The following SDK2 variants were observed in gnomAD, a reference collection of about 807,000 sequenced individuals.
The protein encoded by SDK2 is protein sidekick-2.
A neutral mutation model predicts 253.9 loss-of-function variants in SDK2; 105 were observed. The ratio of observed to expected loss-of-function variants is 0.41; its 90% CI spans 0.35 to 0.49. The LOEUF (loss-of-function observed/expected upper bound fraction) is 0.49. SDK2 is among the 20% of genes least tolerant of loss of function. The pLI, the probability that SDK2 is intolerant of heterozygous loss-of-function variation, is 0.06. For missense variants in SDK2, 2,608 were observed against 3,003.0 expected (o/e 0.87, Z 3.07); for synonymous variants, 1,249 against 1,234.9 (o/e 1.01, Z -0.24).
At position 73,571,659 on chromosome 17, in the gene SDK2, G is replaced by A. The variant is rs543597375; in HGVS notation, c.65-64062C>T. On this transcript the variant is annotated intron_variant, in intron 1 of 44. Transcript: ENST00000392650. ...AGGAGCTCCGAGAGCTCTCCTCCTCGGGTGTGGGGCATGTGCCCAGCGGGG... is the reference window on the plus strand; with the variant it reads ...AGGAGCTCCGAGAGCTCTCCTCCTCAGGTGTGGGGCATGTGCCCAGCGGGG... 3.3e-5 allele frequency among the ~76,000 whole-genome samples: 5 copies of A among 152,354 alleles called. No individual in the cohort carries two copies. The East Asian group carries it at 9.6e-4, about 29-fold the overall frequency.
In SDK2 at chr17:73,636,453, C is replaced by T. The variant is rs577834117; in HGVS notation, c.64+7572G>A. ...CTGCAATCCCAGCACTTTGGGAGACCGAGGTGGGCGAGTCACTTGAGGTCA... is the reference window on the plus strand; with the variant it reads ...CTGCAATCCCAGCACTTTGGGAGACTGAGGTGGGCGAGTCACTTGAGGTCA... On this transcript the variant is annotated intron_variant, in intron 1 of 44. Coordinates refer to ENST00000392650, the MANE Select transcript of SDK2 (RefSeq NM_001144952.2). Among the ~76,000 whole-genome samples the T allele has an allele frequency of 3.9e-5, 6 of 151,934 alleles. No individual in the cohort carries two copies. In the South Asian group the frequency reaches 1.0e-3, roughly 26 times the overall value.
intron 1 of SDK2, among the ~76,000 whole-genome samples, chr17:73,628,938 G>A (rs980171852): frequency 5.3e-5 from 8 of 152,182 alleles, no homozygotes; most frequent in Non-Finnish European, 1.2e-4. Context: ...CTGGACGTGA[G>A]CTGGAGAAGC....
At chr17:73,523,060 G>T (rs2064095343) in intron 1 of SDK2, among the ~76,000 whole-genome samples, 1 of 152,202 alleles carries the variant, frequency 6.6e-6, no homozygotes, top group Non-Finnish European at 1.5e-5. Flanking sequence ...GCTGGCAGAT[G>T]GGAAAACCGA....
intron 27 of SDK2, among the ~76,000 whole-genome samples, chr17:73,393,266 A>G (rs1338394933): frequency 1.4e-5 from 2 of 143,402 alleles, no homozygotes; most frequent in African/African-American, 2.5e-5. Context: ...AAAAAAAAAG[A>G]AAAGTAAATT....
chr17:73,497,698 C>T (rs2063854275), intron 2 of SDK2, among the ~76,000 whole-genome samples: 1 of 151,972 alleles, frequency 6.6e-6, no homozygotes, highest in Non-Finnish European at 1.5e-5. Context: ...GCACAATGGA[C>T]CCACACCTCC....
chr17:73,421,668 T>C (rs922531972), intron 15 of SDK2, among the ~76,000 whole-genome samples: 7 of 147,246 alleles, frequency 4.8e-5, no homozygotes, highest in African/African-American at 1.8e-4. Flanking sequence ...TTCAAGGGAT[T>C]CTTGTGCCTC....
chr17:73,625,696 G>C (rs975705950), intron 1 of SDK2, among the ~76,000 whole-genome samples: 3 of 152,000 alleles, frequency 2.0e-5, no homozygotes, highest in African/African-American at 7.3e-5. Flanking sequence ...CTAGGCTGGA[G>C]TGCAGTGGTG....
At chr17:73,536,093 G>A (rs1246528755) in intron 1 of SDK2, among the ~76,000 whole-genome samples, 1 of 152,120 alleles carries the variant, frequency 6.6e-6, no homozygotes, top group Non-Finnish European at 1.5e-5. Context: ...GTTCATGGAC[G>A]AGACCACACC....
chr17:73,560,032 A>G lies in SDK2; in HGVS notation c.65-52435T>C, dbSNP rs531899012. 3.0e-4 allele frequency among the ~76,000 whole-genome samples: 45 copies of G among 152,262 alleles called. No homozygotes were observed. In the South Asian group the frequency reaches 8.5e-3, roughly 29 times the overall value. ...CCATCACACCACGGGAAGCGGGTCT[A>G]TGGCCCCAAGGGTCCTGCCTTGGCC... On this transcript the variant is annotated intron_variant, in intron 1 of 44. Transcript: ENST00000392650.
At chr17:73,556,699 G>T (rs947944339) in intron 1 of SDK2, among the ~76,000 whole-genome samples, 1 of 152,224 alleles carries the variant, frequency 6.6e-6, no homozygotes, top group Admixed American at 6.5e-5. Flanking sequence ...GACTTCAGTA[G>T]ATGTTAATAA....
rs2063317956 is a variant in SDK2 at position 73,430,515 on chromosome 17, T to A, written c.1579A>T (p.Ile527Phe). Residue 527 changes from isoleucine (I) to phenylalanine (F), a missense_variant, in exon 12 of 45, where the codon ATC (isoleucine) becomes TTC (phenylalanine). By Grantham distance (21) the Ile-to-Phe change is conservative (BLOSUM62 0). This residue lies in a region of SDK2 where 1,505 missense variants were observed against 1,859.1 expected (regional missense o/e 0.81). Transcript: ENST00000392650. ...AGTCAACAGCAGAGCCAGTACCTGA[T>A]GGTTACTCGGGGGTCGTGGGTCACT... ...CGVTHDPRVT[I>F]RYIWEKDGAT... 1.9e-6 allele frequency: 3 copies of A among 1,605,134 alleles called. No individual in the cohort carries two copies. Among genetic ancestry groups the A allele is most frequent in the South Asian group, 2.2e-5 (2 of 89,778 alleles).
chr17:73,443,728 C>A lies in SDK2; in HGVS notation c.614-2805G>T, dbSNP rs2063432181. ...AAAGGGTCCCAGGGGTGAGGAAGACCTGGGCTCAAAGCCTAGCTCTGCCCC... is the reference window on the plus strand; with the variant it reads ...AAAGGGTCCCAGGGGTGAGGAAGACATGGGCTCAAAGCCTAGCTCTGCCCC... On this transcript the variant is annotated intron_variant, in intron 5 of 44. Transcript: ENST00000392650. The surrounding 1 kb of genome is among the most constrained non-coding windows in gnomAD (Gnocchi z 4.6). 6.6e-6 allele frequency among the ~76,000 whole-genome samples: 1 copy of A among 152,180 alleles called. No homozygotes were observed. The highest frequency in any genetic ancestry group is 2.4e-5 in the African/African-American group (1 of 41,448).
At chr17:73,599,362 T>C (rs915257838) in intron 1 of SDK2, among the ~76,000 whole-genome samples, 2 of 152,038 alleles carry the variant, frequency 1.3e-5, no homozygotes, top group Admixed American at 6.5e-5. Flanking sequence ...CGAAACCCCA[T>C]CTCTACCAAA....
intron 1 of SDK2, among the ~76,000 whole-genome samples, chr17:73,596,148 A>C (rs1161029958): frequency 1.3e-5 from 2 of 152,116 alleles, no homozygotes; most frequent in Non-Finnish European, 2.9e-5. Flanking sequence ...GGTAGCCTGG[A>C]GACCTGGGTC....
At chr17:73,567,887 T>C (rs1415221520) in intron 1 of SDK2, among the ~76,000 whole-genome samples, 3 of 152,268 alleles carry the variant, frequency 2.0e-5, no homozygotes, top group Non-Finnish European at 2.9e-5. Flanking sequence ...TACACATTCA[T>C]AAATTTAAAA....
chr17:73,423,182 TGC>T (rs1939885242), intron 14 of SDK2, among the ~76,000 whole-genome samples: 1 of 152,248 alleles, frequency 6.6e-6, no homozygotes, highest in Non-Finnish European at 1.5e-5. Flanking sequence ...GCACCTTTTG[TGC>T]GTCATCTCTT....
At chr17:73,551,332 C>A (rs1430703888) in intron 1 of SDK2, among the ~76,000 whole-genome samples, 1 of 152,200 alleles carries the variant, frequency 6.6e-6, no homozygotes, top group African/African-American at 2.4e-5. Context: ...ACCTTGCCCA[C>A]CAGGAGCTTA....
At chr17:73,401,348 C>G (rs2063024180) in intron 20 of SDK2, 137 bp from the exon 21 acceptor site, 1 of 828,870 alleles carries the variant, frequency 1.2e-6, no homozygotes, top group African/African-American at 1.7e-5. Context: ...GAGGTGGGAG[C>G]TGTTGGCATC....
chr17:73,367,316 C>T lies in SDK2; in HGVS notation c.5167+1091G>A, dbSNP rs371231818. On this transcript the variant is annotated intron_variant, in intron 37 of 44. Coordinates refer to ENST00000392650, the MANE Select transcript of SDK2 (RefSeq NM_001144952.2). Reference sequence around the variant, plus strand: ...GAGATACCATGTGTGGTCCATTGTACTTATAATTAATCCCAATCCCAATCC... The same window carrying T: ...GAGATACCATGTGTGGTCCATTGTATTTATAATTAATCCCAATCCCAATCC... Among the ~76,000 whole-genome samples the T allele has an allele frequency of 1.1e-4, 17 of 151,964 alleles. 1 individual carries two copies. In the East Asian group the frequency reaches 2.0e-3, roughly 17 times the overall value.
Sources: allele counts gnomAD v4.1 joint callset (sites outside exome capture counted in the v4.1 genomes callset), GRCh38; gene constraint gnomAD v4.1.1; regional missense constraint gnomAD v4.1.1; non-coding constraint Gnocchi (gnomAD v3.1); transcripts MANE v1.5; gene names NCBI Gene and HGNC (gene_info 2026-07-23, HGNC 2026-07-21).